The following FHIT variants were observed in gnomAD, a reference collection of about 807,000 sequenced individuals.
The protein encoded by FHIT is fragile histidine triad diadenosine triphosphatase.
A neutral mutation model predicts 17.9 loss-of-function variants in FHIT; 19 were observed. The ratio of observed to expected loss-of-function variants is 1.06; its 90% CI spans 0.74 to 1.56. The LOEUF (loss-of-function observed/expected upper bound fraction) is 1.56. Ranked by LOEUF, FHIT falls within the 40% of genes most tolerant of loss-of-function variation. The pLI, the probability that FHIT is intolerant of heterozygous loss-of-function variation, is 0.00. For synonymous variants in FHIT, 81 were observed against 69.7 expected (o/e 1.16, Z -0.81); for missense variants, 248 against 189.2 (o/e 1.31, Z -1.82).
At chr3:60,706,563 G>C (rs1014924171) in intron 4 of FHIT, among the ~76,000 whole-genome samples, 1 of 152,070 alleles carries the variant, frequency 6.6e-6, no homozygotes, top group South Asian at 2.1e-4. Context: ...TAATTACCTC[G>C]ACATTTTAAA....
At chr3:60,620,300 T>A (rs2039083892) in intron 4 of FHIT, among the ~76,000 whole-genome samples, 1 of 152,218 alleles carries the variant, frequency 6.6e-6, no homozygotes, top group Non-Finnish European at 1.5e-5. Context: ...CCTTGGTATT[T>A]ACCCAAAGTA....
intron 4 of FHIT, among the ~76,000 whole-genome samples, chr3:60,575,751 A>G (rs538887713): frequency 6.6e-6 from 1 of 152,266 alleles, no homozygotes; most frequent in South Asian, 2.1e-4. Flanking sequence ...TTCATCAGAA[A>G]ATAGAATTTT....
intron 5 of FHIT, among the ~76,000 whole-genome samples, chr3:60,462,110 G>A (rs967331065): frequency 1.3e-5 from 2 of 152,134 alleles, no homozygotes; most frequent in African/African-American, 4.8e-5. Flanking sequence ...GGGATGTTAT[G>A]CAACAAAAAC....
intron 3 of FHIT, among the ~76,000 whole-genome samples, chr3:60,851,332 G>A (rs879986216): frequency 6.6e-6 from 1 of 152,102 alleles, no homozygotes; most frequent in African/African-American, 2.4e-5. Flanking sequence ...TCAAGGATCA[G>A]ATGAAGTCAT....
At chr3:61,007,374 G>C (rs1454935674) in intron 3 of FHIT, among the ~76,000 whole-genome samples, 1 of 152,100 alleles carries the variant, frequency 6.6e-6, no homozygotes, top group East Asian at 1.9e-4. Context: ...ACCTTTACAG[G>C]CATTAACAAC....
At chr3:60,600,340 C>A (rs1314582069) in intron 4 of FHIT, among the ~76,000 whole-genome samples, 1 of 120,936 alleles carries the variant, frequency 8.3e-6, no homozygotes, top group Admixed American at 9.1e-5. Context: ...AAATAAGCAG[C>A]AAAAATAATT....
At chr3:60,888,683 A>G (rs1044868195) in intron 3 of FHIT, among the ~76,000 whole-genome samples, 1 of 152,228 alleles carries the variant, frequency 6.6e-6, no homozygotes, top group Non-Finnish European at 1.5e-5. Context: ...CACATTTAAG[A>G]TATTACTTGA....
intron 5 of FHIT, among the ~76,000 whole-genome samples, chr3:60,052,846 T>G (rs1327842577): frequency 6.7e-6 from 1 of 150,256 alleles, no homozygotes; most frequent in East Asian, 1.9e-4. Flanking sequence ...TTAGTATAAG[T>G]ATGTCCCGCG....
chr3:61,163,039 C>T (rs908142084), intron 2 of FHIT, among the ~76,000 whole-genome samples: 3 of 152,106 alleles, frequency 2.0e-5, no homozygotes, highest in Non-Finnish European at 2.9e-5. Context: ...AGATCTTGGA[C>T]TAAGGCTATC....
chr3:60,786,010 T>G (rs1017043102), intron 4 of FHIT, among the ~76,000 whole-genome samples: 2 of 152,162 alleles, frequency 1.3e-5, no homozygotes, highest in Non-Finnish European at 1.5e-5. Context: ...AATGTCTGCA[T>G]GTTTTGTTAT....
chr3:60,011,301 C>G lies in FHIT; in HGVS notation c.279+70G>C, dbSNP rs182794556. 1.9e-3 allele frequency: 2,678 copies of G among 1,430,534 alleles called. 82 individuals carry two copies. The Admixed American group carries it at 0.043, about 23-fold the overall frequency. The allele number at this position is 1,430,534 out of a possible 1,614,324, so 88.6% of individuals were successfully genotyped here. A position where few individuals can be genotyped will look rare whatever the true frequency, so the allele number is the denominator to read the frequency against. ...TGAAACAGCAATGTGCTGCATATGA[C>G]TCGTTGTGATTTTTTATTAGTTCTC... On this transcript the variant is annotated intron_variant, in intron 7 of 9. Coordinates refer to ENST00000492590, the MANE Select transcript of FHIT (RefSeq NM_002012.4).
intron 2 of FHIT, among the ~76,000 whole-genome samples, chr3:61,167,831 G>C (rs1199922869): frequency 2.0e-5 from 3 of 152,112 alleles, no homozygotes; most frequent in African/African-American, 7.2e-5. Context: ...AATTTATTTA[G>C]TCCATAAAAC....
At chr3:60,185,624 G>A (rs1702126880) in intron 5 of FHIT, among the ~76,000 whole-genome samples, 1 of 152,114 alleles carries the variant, frequency 6.6e-6, no homozygotes, top group South Asian at 2.1e-4. Flanking sequence ...CATATCAGTT[G>A]GGTAAATACC....
intron 9 of FHIT, 147 bp from the exon 10 acceptor site, chr3:59,749,726 T>G (rs543059075): frequency 4.4e-6 from 1 of 229,756 alleles, no homozygotes; most frequent in African/African-American, 2.2e-5. Context: ...GCCTGATTAA[T>G]GCTTAATTAC....
At chr3:60,104,082 A>C (rs977840665) in intron 5 of FHIT, among the ~76,000 whole-genome samples, 1 of 152,132 alleles carries the variant, frequency 6.6e-6, no homozygotes. Context: ...AGGAAGGTAG[A>C]CTCTTTTTAA....
intron 5 of FHIT, among the ~76,000 whole-genome samples, chr3:60,482,141 A>G (rs914681522): frequency 2.0e-5 from 3 of 152,206 alleles, no homozygotes; most frequent in African/African-American, 7.2e-5. Context: ...CTAAATATGT[A>G]TGCAACCAAT....
At chr3:60,616,255 G>T (rs1260215405) in intron 4 of FHIT, among the ~76,000 whole-genome samples, 1 of 152,116 alleles carries the variant, frequency 6.6e-6, no homozygotes, top group African/African-American at 2.4e-5. Context: ...TGTTTGTTCA[G>T]TTTAATTTAT....
chr3:60,765,825 G>T (rs1699833017), intron 4 of FHIT, among the ~76,000 whole-genome samples: 1 of 152,194 alleles, frequency 6.6e-6, no homozygotes, highest in African/African-American at 2.4e-5. Flanking sequence ...AATGCAGGTG[G>T]AAGAAGGTGC....
intron 3 of FHIT, among the ~76,000 whole-genome samples, chr3:60,957,239 T>C (rs1419334563): frequency 9.0e-5 from 13 of 144,754 alleles, no homozygotes; most frequent in African/African-American, 2.3e-4. Context: ...CTTTCTTTTT[T>C]TTTTTTTTTT....
Sources: gnomAD v4.1 joint callset for allele counts (sites outside exome capture counted in the v4.1 genomes callset) on GRCh38, gnomAD v4.1.1 for gene constraint, MANE v1.5 for transcripts, NCBI Gene and HGNC (gene_info 2026-07-23, HGNC 2026-07-21) for gene names.